ARID5B: variants seen among roughly 807,000 people sequenced by gnomAD.
The protein encoded by ARID5B is AT-rich interaction domain 5B, also known as AT-rich interactive domain-containing protein 5B.
A neutral mutation model predicts 97.2 loss-of-function variants in ARID5B; 13 were observed. The observed-to-expected ratio is 0.13, with a 90% CI of 0.09 to 0.21. The LOEUF (loss-of-function observed/expected upper bound fraction) is 0.21. Ranked by LOEUF, ARID5B falls within the 10% of genes least tolerant of loss-of-function variation. The pLI is 1.00. For synonymous variants in ARID5B, 556 were observed against 570.3 expected (o/e 0.97, Z 0.36); for missense variants, 1,210 against 1,465.3 (o/e 0.83, Z 2.84).
At chr10:61,996,942 T>G (rs1839007499) in intron 3 of ARID5B, among the ~76,000 whole-genome samples, 1 of 151,924 alleles carries the variant, frequency 6.6e-6, no homozygotes, top group African/African-American at 2.4e-5. Flanking sequence ...AACCTTACTT[T>G]AAGTCTTCGC....
Position 62,008,422 on chromosome 10 carries a change from C to T in ARID5B, c.733+8101C>T, listed in dbSNP as rs879403393. 2.1e-3 allele frequency among the ~76,000 whole-genome samples: 313 copies of T among 152,314 alleles called. 1 individual carries two copies. The highest frequency in any genetic ancestry group is 7.0e-3 in the African/African-American group (291 of 41,550). On this transcript the variant is annotated intron_variant, in intron 4 of 9. Coordinates refer to ENST00000279873, the MANE Select transcript of ARID5B (RefSeq NM_032199.3). ...AAAGAGCTCTCAGACTTCCTGAGAT[C>T]AGGCTGATGGAAAACAGATAACTGA...
At chr10:61,951,797 T>C (rs558630067) in intron 3 of ARID5B, among the ~76,000 whole-genome samples, 122 of 152,328 alleles carry the variant, frequency 8.0e-4, no homozygotes, top group Non-Finnish European at 1.4e-3. Context: ...TTTTTCCTCA[T>C]AAAAATAAAA....
At chr10:61,957,338 G>A (rs1396059094) in intron 3 of ARID5B, among the ~76,000 whole-genome samples, 5 of 152,028 alleles carry the variant, frequency 3.3e-5, no homozygotes, top group Admixed American at 1.3e-4. Context: ...GTGCGATCTC[G>A]GCTCACTGCA....
intron 4 of ARID5B, among the ~76,000 whole-genome samples, chr10:62,047,442 T>G (rs1440049285): frequency 2.0e-5 from 3 of 152,226 alleles, no homozygotes; most frequent in Non-Finnish European, 4.4e-5. Flanking sequence ...TGCTTTGCAC[T>G]GTTTTTTTTC....
chr10:62,085,648 T>C (rs1840270176), intron 8 of ARID5B, 54 bp from the exon 9 acceptor site: 2 of 1,434,166 alleles, frequency 1.4e-6, no homozygotes, highest in Non-Finnish European at 1.9e-6. Flanking sequence ...CCCATAGCAT[T>C]GATGCTACTG....
chr10:62,014,389 C>T (rs994933856), intron 4 of ARID5B, among the ~76,000 whole-genome samples: 2 of 152,142 alleles, frequency 1.3e-5, no homozygotes, highest in African/African-American at 4.8e-5. Flanking sequence ...GATGGAGGAA[C>T]TGTTGAGCTG....
At chr10:61,993,778 G>C (rs1175444073) in intron 3 of ARID5B, among the ~76,000 whole-genome samples, 1 of 152,204 alleles carries the variant, frequency 6.6e-6, no homozygotes, top group East Asian at 1.9e-4. Flanking sequence ...GGTATATAAA[G>C]TTGATGCTTT....
Position 62,094,749 on chromosome 10 carries a change from T to C in ARID5B, c.*1719T>C, listed in dbSNP as rs368745686. 50 of 231,776 alleles carry C rather than the reference T, an allele frequency of 2.2e-4. 1 individual carries two copies. In the South Asian group the frequency reaches 8.7e-3, roughly 40 times the overall value. 14.4% of individuals were successfully genotyped at this position (231,776 alleles called of 1,614,324 possible). ...AGTCCCATCCCTGCTGAAGACCGCT[T>C]GGATGAACTCCCCAACCCACTGTGC... On this transcript the variant is annotated 3_prime_UTR_variant, in exon 10 of 10. Transcript: ENST00000279873.
At chr10:61,977,320 G>T (rs1447712537) in intron 3 of ARID5B, among the ~76,000 whole-genome samples, 1 of 152,178 alleles carries the variant, frequency 6.6e-6, no homozygotes, top group African/African-American at 2.4e-5. Context: ...ATAAACATAC[G>T]TGTGTATGTG....
chr10:61,931,142 C>T lies in ARID5B; in HGVS notation c.277-9041C>T, dbSNP rs1844203334. 2.6e-5 allele frequency among the ~76,000 whole-genome samples: 4 copies of T among 152,324 alleles called. No individual in the cohort carries two copies. In the South Asian group the frequency reaches 8.3e-4, roughly 32 times the overall value. On this transcript the variant is annotated intron_variant, in intron 2 of 9. Coordinates refer to ENST00000279873, the MANE Select transcript of ARID5B (RefSeq NM_032199.3). ...TTGGGTTAGTGACATAATACCATGG[C>T]TCTCAAAGTTTCGGACTCAGGACCC... is the stretch of plus-strand genomic sequence containing the variant.
intron 9 of ARID5B, among the ~76,000 whole-genome samples, 167 bp downstream of exon 9, chr10:62,086,067 A>G (rs1212232723): frequency 6.6e-6 from 1 of 152,208 alleles, no homozygotes; most frequent in Non-Finnish European, 1.5e-5. Flanking sequence ...AGTTCCTGAA[A>G]GCCTTTCAGC....
rs528503284 is a variant in ARID5B, at chr10:62,077,364, G to GA, written c.1199+7574dup. ...TTTAAAAAAATAAACAACAGCCTTT[G>GA]AAAAAAATCTCTATTTAAAAATTCT... On this transcript the variant is annotated intron_variant, in intron 8 of 9. Transcript: ENST00000279873. Among the ~76,000 whole-genome samples the GA allele has an allele frequency of 9.5e-3, 1,440 of 152,170 alleles. 23 individuals are homozygous for GA. Among genetic ancestry groups the GA allele is most frequent in the African/African-American group, 0.033 (1,375 of 41,512 alleles).
intron 4 of ARID5B, among the ~76,000 whole-genome samples, chr10:62,014,454 G>A (rs996293035): frequency 3.3e-5 from 5 of 152,206 alleles, no homozygotes; most frequent in African/African-American, 1.2e-4. Context: ...TAGGGGGTAT[G>A]TTCCTTGGGT....
chr10:61,980,502 G>A (rs760585331), intron 3 of ARID5B, among the ~76,000 whole-genome samples: 1 of 152,130 alleles, frequency 6.6e-6, no homozygotes, highest in Non-Finnish European at 1.5e-5. Flanking sequence ...ACTGGGAGGG[G>A]TGGGGAGGAG....
rs10528323 is a variant in ARID5B, at chr10:62,021,029, AATATATAT to A, written c.733+20741_733+20748del. Among the ~76,000 whole-genome samples the A allele has an allele frequency of 7.2e-3, 771 of 106,818 alleles. 5 individuals are homozygous for A. Among genetic ancestry groups the A allele is most frequent in the African/African-American group, 0.013 (317 of 24,870 alleles). The allele number at this position is 106,818 out of a possible 152,430, so 70.1% of individuals were successfully genotyped here. On this transcript the variant is annotated intron_variant, in intron 4 of 9. Coordinates refer to ENST00000279873, the MANE Select transcript of ARID5B (RefSeq NM_032199.3). ...ACTGGGATCATGGGTTTGTCACATG[AATATATAT>A]ATATATATATATATATATATATATA...
chr10:61,952,925 C>T lies in ARID5B; in HGVS notation c.502+12517C>T, dbSNP rs570950672. ...TTAATGCCTTTCTCAAGGGAATCTTCTTCGTGTTTCAGGGTCATAGTAGTG... is the reference window on the plus strand; with the variant it reads ...TTAATGCCTTTCTCAAGGGAATCTTTTTCGTGTTTCAGGGTCATAGTAGTG... On this transcript the variant is annotated intron_variant, in intron 3 of 9. Coordinates refer to ENST00000279873, the MANE Select transcript of ARID5B (RefSeq NM_032199.3). Among the ~76,000 whole-genome samples, 3 of 151,984 alleles carry T rather than the reference C, an allele frequency of 2.0e-5. No individual in the cohort carries two copies. In the East Asian group the frequency reaches 5.8e-4, roughly 29 times the overall value.
chr10:61,976,776 G>A (rs1172136860), intron 3 of ARID5B, among the ~76,000 whole-genome samples: 2 of 151,946 alleles, frequency 1.3e-5, no homozygotes, highest in African/African-American at 4.8e-5. Flanking sequence ...CTGCCACACA[G>A]GATCTTAAAT....
In ARID5B at chr10:62,020,984, A is replaced by ATGAGCATT. The variant is rs1332928673; in HGVS notation, c.733+20666_733+20673dup. Among the ~76,000 whole-genome samples the ATGAGCATT allele has an allele frequency of 6.1e-5, 9 of 147,452 alleles. No individual in the cohort carries two copies. In the East Asian group the frequency reaches 1.0e-3, roughly 17 times the overall value. On this transcript the variant is annotated intron_variant, in intron 4 of 9. Transcript: ENST00000279873. ...GACTGTGGGACTGTGATGCTTGTTAATGAGCATTTGTGGCAGTGCACTGGG... is the reference window on the plus strand; with the variant it reads ...GACTGTGGGACTGTGATGCTTGTTAATGAGCATTTGAGCATTTGTGGCAGTGCACTGGG...
intron 8 of ARID5B, among the ~76,000 whole-genome samples, chr10:62,076,578 A>AAAAAAAAAAC (rs1840139602): frequency 2.7e-5 from 4 of 147,918 alleles, no homozygotes; most frequent in Non-Finnish European, 6.0e-5. Flanking sequence ...AAAAAAAAAA[A>AAAAAAAAAAC]CTACATCTAT....
Sources: gnomAD v4.1 joint callset for allele counts (sites outside exome capture counted in the v4.1 genomes callset) on GRCh38, gnomAD v4.1.1 for gene constraint, MANE v1.5 for transcripts, NCBI Gene and HGNC (gene_info 2026-07-23, HGNC 2026-07-21) for gene names.